Variants in ELP4 observed in about 807,000 individuals in gnomAD.
ELP4 encodes elongator acetyltransferase complex subunit 4, also known as elongator complex protein 4.
A neutral mutation model predicts 48.9 loss-of-function variants in ELP4; 51 were observed. The observed-to-expected ratio is 1.04, with a 90% CI of 0.83 to 1.32. The LOEUF (loss-of-function observed/expected upper bound fraction) is 1.32. ELP4 is among the 40% of genes most tolerant of loss of function. ELP4 has a pLI of 0.00. For synonymous variants in ELP4, 210 were observed against 189.2 expected (o/e 1.11, Z -0.90); for missense variants, 519 against 514.6 (o/e 1.01, Z -0.08).
At chr11:31,741,108 G>T (rs537727077) in intron 9 of ELP4, among the ~76,000 whole-genome samples, 1 of 152,148 alleles carries the variant, frequency 6.6e-6, no homozygotes, top group Non-Finnish European at 1.5e-5. Flanking sequence ...TACCTGTCTC[G>T]GAGGGTCCTA....
chr11:31,520,092 G>A lies in ELP4; in HGVS notation c.259+1G>A. On this transcript the variant is annotated splice_donor_variant, in intron 2 of 9. Transcript: ENST00000640961. LOFTEE classifies it high-confidence loss of function. Reference sequence around the variant, plus strand: ...GCCGTTGGAACAGTTCTTCTAATTGGTTAGTACAAAATACATGCTTTGCTC... The same window carrying A: ...GCCGTTGGAACAGTTCTTCTAATTGATTAGTACAAAATACATGCTTTGCTC... 6.2e-7 allele frequency: 1 copy of A among 1,611,742 alleles called. No homozygotes were observed. Among genetic ancestry groups the A allele is most frequent in the East Asian group, 2.2e-5 (1 of 44,660 alleles).
At chr11:31,756,613 T>C (rs1947837400) in intron 9 of ELP4, among the ~76,000 whole-genome samples, 1 of 152,232 alleles carries the variant, frequency 6.6e-6, no homozygotes, top group Admixed American at 6.5e-5. Context: ...CAAGGATTAC[T>C]TGAATCTCCA....
chr11:31,634,998 C>G (rs1039487224), intron 7 of ELP4, among the ~76,000 whole-genome samples: 5 of 151,822 alleles, frequency 3.3e-5, no homozygotes, highest in Non-Finnish European at 7.4e-5. Flanking sequence ...GCCCTAATAC[C>G]AATTGAGTTA....
At chr11:31,766,627 CTG>C (rs952428769) in intron 9 of ELP4, among the ~76,000 whole-genome samples, 1 of 151,892 alleles carries the variant, frequency 6.6e-6, no homozygotes, top group African/African-American at 2.4e-5. Context: ...TTAAGATAGA[CTG>C]TTGAAATATA....
At chr11:31,703,069 G>T (rs1165298052) in intron 9 of ELP4, among the ~76,000 whole-genome samples, 1 of 152,170 alleles carries the variant, frequency 6.6e-6, no homozygotes, top group Non-Finnish European at 1.5e-5. Context: ...GGCTGCATGT[G>T]TGGGTTACAT....
rs1294374566 is a variant in ELP4, at chr11:31,518,566, C to T, written c.224-1490C>T. ...AGGCTGGAGTGCAGTGGTGCAATCTCAACTCACGGCAATCTTGCCTTCCAG... is the reference window on the plus strand; with the variant it reads ...AGGCTGGAGTGCAGTGGTGCAATCTTAACTCACGGCAATCTTGCCTTCCAG... On this transcript the variant is annotated intron_variant, in intron 1 of 9. Transcript: ENST00000640961. Among the ~76,000 whole-genome samples the T allele has an allele frequency of 2.1e-5, 3 of 146,014 alleles. No individual in the cohort carries two copies. The Admixed American group carries it at 2.1e-4, about 10-fold the overall frequency.
intron 9 of ELP4, among the ~76,000 whole-genome samples, chr11:31,685,685 C>G (rs955792658): frequency 6.6e-6 from 1 of 152,098 alleles, no homozygotes. Flanking sequence ...GTAATCCCAG[C>G]ACTTTGGGAG....
chr11:31,698,126 G>A (rs1291380171), intron 9 of ELP4, among the ~76,000 whole-genome samples: 3 of 152,140 alleles, frequency 2.0e-5, no homozygotes, highest in African/African-American at 7.2e-5. Flanking sequence ...CCCAGCTGTA[G>A]CGGGGGTGGC....
intron 9 of ELP4, among the ~76,000 whole-genome samples, chr11:31,743,106 C>A (rs906483799): frequency 1.3e-5 from 2 of 152,164 alleles, no homozygotes; most frequent in African/African-American, 4.8e-5. Flanking sequence ...CAATCCTACT[C>A]TCTGATAAAA....
Position 31,789,827 on chromosome 11 carries a change from C to G in ELP4, c.*6303C>G, listed in dbSNP as rs886048201. 4.9e-6 allele frequency: 5 copies of G among 1,019,804 alleles called. No individual in the cohort carries two copies. The East Asian group carries it at 7.8e-5, about 16-fold the overall frequency. The allele number at this position is 1,019,804 out of a possible 1,614,324, so 63.2% of individuals were successfully genotyped here. A position where few individuals can be genotyped will look rare whatever the true frequency, so the allele number is the denominator to read the frequency against. On this transcript the variant is annotated 3_prime_UTR_variant, in exon 10 of 10. Coordinates refer to ENST00000640961, the MANE Select transcript of ELP4 (RefSeq NM_019040.5). ...ACACAATTGTAGAACTGAAGCGGCT[C>G]TAACAGCCATTTTTCTTTCTTTCCT...
chr11:31,662,215 T>G (rs1945573906), intron 9 of ELP4, among the ~76,000 whole-genome samples: 1 of 152,084 alleles, frequency 6.6e-6, no homozygotes. Flanking sequence ...ACAAAAAAAG[T>G]ACATGTAAAG....
chr11:31,512,875 A>G (rs1490989040), intron 1 of ELP4, among the ~76,000 whole-genome samples: 1 of 148,730 alleles, frequency 6.7e-6, no homozygotes, highest in Non-Finnish European at 1.5e-5. Flanking sequence ...TCTAACCTGG[A>G]AGAATTAACC....
chr11:31,739,186 AC>A (rs139877818), intron 9 of ELP4, among the ~76,000 whole-genome samples: 2,994 of 152,322 alleles, frequency 0.02, 96 homozygotes, highest in African/African-American at 0.068. Context: ...ATTGAAAAAG[AC>A]AAAACCAATA....
chr11:31,527,813 A>T (rs942618444), intron 2 of ELP4, among the ~76,000 whole-genome samples: 3 of 152,038 alleles, frequency 2.0e-5, no homozygotes, highest in Admixed American at 1.3e-4. Context: ...CTCCTTGTTG[A>T]TCTTAACATA....
intron 9 of ELP4, among the ~76,000 whole-genome samples, chr11:31,736,327 A>C (rs1213714787): frequency 6.6e-6 from 1 of 152,230 alleles, no homozygotes; most frequent in Admixed American, 6.5e-5. Flanking sequence ...AAATTAATTC[A>C]AGCTGGATTA....
intron 9 of ELP4, chr11:31,682,022 T>C (rs528481377): frequency 2.5e-5 from 32 of 1,286,332 alleles, no homozygotes; most frequent in African/African-American, 2.3e-4. Context: ...ATTACAGGCA[T>C]GAGCTACCGC....
intron 9 of ELP4, among the ~76,000 whole-genome samples, chr11:31,738,232 CAAAAAAAA>C (rs57817538): frequency 2.6e-4 from 14 of 53,712 alleles, no homozygotes; most frequent in East Asian, 2.0e-3. Flanking sequence ...CCATCTCTAC[CAAAAAAAA>C]AAAAAAAAAA....
chr11:31,642,582 A>G (rs768588443), intron 7 of ELP4, among the ~76,000 whole-genome samples: 3 of 151,884 alleles, frequency 2.0e-5, no homozygotes, highest in Non-Finnish European at 2.9e-5. Flanking sequence ...TGTGAATATT[A>G]CTATATGATG....
chr11:31,698,835 A>C (rs2134153010), intron 9 of ELP4, among the ~76,000 whole-genome samples: 1 of 152,320 alleles, frequency 6.6e-6, no homozygotes, highest in East Asian at 1.9e-4. Context: ...TGAAGATCTT[A>C]CAAGACTAAG....
Sources: allele counts gnomAD v4.1 joint callset (sites outside exome capture counted in the v4.1 genomes callset), GRCh38; gene constraint gnomAD v4.1.1; transcripts MANE v1.5; gene names NCBI Gene and HGNC (gene_info 2026-07-23, HGNC 2026-07-21).